ANLN: variants seen among roughly 807,000 people sequenced by gnomAD.
ANLN encodes the protein anillin.
Under a neutral mutation model 135.1 loss-of-function variants are expected in ANLN, and 59 were observed. The observed-to-expected ratio is 0.44, with a 90% CI of 0.35 to 0.54. ANLN has a LOEUF of 0.54. Among genes scored for constraint, ANLN ranks in the 20% least tolerant of loss-of-function variants. ANLN has a pLI of 0.00. For missense variants in ANLN, 1,182 were observed against 1,340.0 expected (o/e 0.88, Z 1.84); for synonymous variants, 406 against 456.4 (o/e 0.89, Z 1.41).
At chr7:36,395,990 T>C (rs969361088) in intron 1 of ANLN, among the ~76,000 whole-genome samples, 1 of 152,126 alleles carries the variant, frequency 6.6e-6, no homozygotes, top group African/African-American at 2.4e-5. Context: ...GGTGAAGAAA[T>C]AGATTCTGTC....
At chr7:36,416,124 G>A (rs1183709293) in intron 8 of ANLN, among the ~76,000 whole-genome samples, 7 of 152,050 alleles carry the variant, frequency 4.6e-5, no homozygotes, top group Admixed American at 2.6e-4. Context: ...GGGTTCAAAC[G>A]ATTTTCCTGC....
chr7:36,405,040 A>G (rs563924534), intron 3 of ANLN, among the ~76,000 whole-genome samples: 1 of 152,370 alleles, frequency 6.6e-6, no homozygotes, highest in South Asian at 2.1e-4. Flanking sequence ...GTCATATACC[A>G]CATATTGACG....
At chr7:36,407,607 C>A (rs1787242515) in intron 4 of ANLN, 127 bp from the exon 5 acceptor site, 1 of 734,560 alleles carries the variant, frequency 1.4e-6, no homozygotes, top group South Asian at 1.9e-5. Context: ...TATTAGAGAG[C>A]AAAATCATTT....
Position 36,452,784 on chromosome 7 carries a change from A to G in ANLN, c.*184A>G. The G allele has an allele frequency of 1.8e-6, 1 of 563,762 alleles. No homozygotes were observed. Among genetic ancestry groups the G allele is most frequent in the Non-Finnish European group, 2.9e-6 (1 of 339,318 alleles). The allele number at this position is 563,762 out of a possible 1,614,324, so 34.9% of individuals were successfully genotyped here. ...AAACTTTAACTGATTTCTGTCATTC[A>G]TCAATGAGTAGAAGTAAATACATTA... On this transcript the variant is annotated 3_prime_UTR_variant, in exon 24 of 24. Transcript: ENST00000265748.
At chr7:36,415,665 T>C in intron 7 of ANLN, 93 bp from the exon 8 acceptor site, 1 of 1,330,160 alleles carries the variant, frequency 7.5e-7, no homozygotes, top group East Asian at 2.6e-5. Context: ...TACAGAATAA[T>C]ATTTAATAAT....
intron 2 of ANLN, among the ~76,000 whole-genome samples, chr7:36,397,080 G>A (rs1420834158): frequency 1.3e-5 from 2 of 151,776 alleles, no homozygotes; most frequent in Admixed American, 6.6e-5. Flanking sequence ...TCCTTAGTAC[G>A]ACTGTAAAAT....
intron 20 of ANLN, among the ~76,000 whole-genome samples, chr7:36,427,992 G>T (rs1202570976): frequency 6.6e-6 from 1 of 151,994 alleles, no homozygotes; most frequent in Non-Finnish European, 1.5e-5. Context: ...TAGAAGCCCT[G>T]GTTTCTAGTA....
chr7:36,437,412 A>AT (rs548642760), intron 20 of ANLN, among the ~76,000 whole-genome samples: 112 of 152,102 alleles, frequency 7.4e-4, no homozygotes, highest in African/African-American at 2.6e-3. Flanking sequence ...TATGTACCGC[A>AT]TTTTTTTGGC....
intron 1 of ANLN, among the ~76,000 whole-genome samples, chr7:36,390,998 G>A (rs1168584360): frequency 6.6e-6 from 1 of 152,202 alleles, no homozygotes; most frequent in East Asian, 1.9e-4. Flanking sequence ...TAAATGCTGT[G>A]AAGAGTGGTA....
intron 5 of ANLN, among the ~76,000 whole-genome samples, chr7:36,409,348 C>A (rs991820360): frequency 6.6e-6 from 1 of 152,036 alleles, no homozygotes. Flanking sequence ...TCAAATTCTG[C>A]CCTTTGCTTG....
chr7:36,392,730 CTT>C (rs892777340), intron 1 of ANLN, among the ~76,000 whole-genome samples: 2 of 151,420 alleles, frequency 1.3e-5, no homozygotes, highest in Non-Finnish European at 2.9e-5. Context: ...GATTAGGGAT[CTT>C]TTTTTGTGTA....
chr7:36,438,776 G>A (rs1453973941), intron 20 of ANLN, among the ~76,000 whole-genome samples: 3 of 152,154 alleles, frequency 2.0e-5, no homozygotes, highest in Admixed American at 2.0e-4. Context: ...TTGGTTGTTT[G>A]GGGTCTCTTG....
In ANLN at chr7:36,412,306, A is replaced by AATATATAT. The variant is rs60215077; in HGVS notation, c.1395+1155_1395+1162dup. 3.9e-3 allele frequency among the ~76,000 whole-genome samples: 400 copies of AATATATAT among 102,618 alleles called. 6 individuals carry two copies. The highest frequency in any genetic ancestry group is 0.014 in the Middle Eastern group (2 of 142). 67.3% of individuals were successfully genotyped at this position (102,618 alleles called of 152,430 possible). A position where few individuals can be genotyped will look rare whatever the true frequency, so the allele number is the denominator to read the frequency against. ...CCACCTTATCAGTTGCTGCCAGAGA[A>AATATATAT]ATATATATATATATATATATATTTT... On this transcript the variant is annotated intron_variant, in intron 7 of 23. Transcript: ENST00000265748.
chr7:36,449,969 C>T (rs977003430), intron 23 of ANLN, 132 bp downstream of exon 23: 2 of 733,204 alleles, frequency 2.7e-6, no homozygotes, highest in Middle Eastern at 3.1e-4. Flanking sequence ...AAACAAAACA[C>T]ACACAAAGCA....
chr7:36,434,309 A>T (rs1293304091), intron 20 of ANLN, among the ~76,000 whole-genome samples: 1 of 152,186 alleles, frequency 6.6e-6, no homozygotes, highest in East Asian at 1.9e-4. Flanking sequence ...CTGCACGTCT[A>T]CAAGATTTCT....
intron 5 of ANLN, among the ~76,000 whole-genome samples, chr7:36,409,845 T>C (rs1367766224): frequency 1.3e-5 from 2 of 152,034 alleles, no homozygotes; most frequent in Admixed American, 6.6e-5. Context: ...TTAATTTTAG[T>C]ATTTTTTATA....
At position 36,452,589 on chromosome 7, in the gene ANLN, G is replaced by T; in HGVS notation, c.3364G>T (p.Gly1122Ter). ...WQPDACYKPI[G>*]KP ...ACCTGATGCTTGCTACAAACCTATT[G>T]GAAAGCCTTAAACCGGGAAATTTCC... The change falls in exon 24 of 24, where the codon GGA becomes TGA. Residue 1122 changes from glycine to a stop codon, truncating the protein, a stop_gained. Transcript: ENST00000265748. LOFTEE classifies it high-confidence loss of function. 1 of 1,613,854 alleles carries T rather than the reference G, an allele frequency of 6.2e-7. No homozygotes were observed. Among genetic ancestry groups the T allele is most frequent in the South Asian group, 1.1e-5 (1 of 91,056 alleles).
rs369030060 is a variant in ANLN at position 36,390,059 on chromosome 7, G to A, written c.18+15G>A. The stretch of plus-strand genomic sequence containing the variant: ...CGTTTACGGAGGTGAGTGAGTTTGC[G>A]GGTGCAGCCAGCCATGACCCACCGC... On this transcript the variant is annotated intron_variant, in intron 1 of 23. Coordinates refer to ENST00000265748, the MANE Select transcript of ANLN (RefSeq NM_018685.5). The A allele has an allele frequency of 1.1e-5, 18 of 1,613,520 alleles. No individual in the cohort carries two copies. Among genetic ancestry groups the A allele is most frequent in the African/African-American group, 1.3e-5 (1 of 74,926 alleles).
chr7:36,413,121 T>TGAAG (rs34716063), intron 7 of ANLN, among the ~76,000 whole-genome samples: 89,090 of 151,236 alleles, frequency 0.59, 26,908 homozygotes, highest in South Asian at 0.75. Flanking sequence ...AACTTGTATT[T>TGAAG]GAAGGAAGAA....
Sources: gnomAD v4.1 joint callset for allele counts (sites outside exome capture counted in the v4.1 genomes callset) on GRCh38, gnomAD v4.1.1 for gene constraint, MANE v1.5 for transcripts, NCBI Gene and HGNC (gene_info 2026-07-23, HGNC 2026-07-21) for gene names.